The following ASCC3 variants were observed in gnomAD, a reference collection of about 807,000 sequenced individuals.
ASCC3 encodes activating signal cointegrator 1 complex subunit 3.
A neutral mutation model predicts 256.3 loss-of-function variants in ASCC3; 158 were observed. The ratio of observed to expected loss-of-function variants is 0.62; its 90% CI spans 0.54 to 0.70. The LOEUF (loss-of-function observed/expected upper bound fraction) is 0.70, where lower values mean the gene tolerates loss of function less well. Ranked by LOEUF, ASCC3 falls within the 30% of genes least tolerant of loss-of-function variation. The pLI is 0.00. For missense variants in ASCC3, 2,259 were observed against 2,626.0 expected (o/e 0.86, Z 3.05); for synonymous variants, 948 against 883.4 (o/e 1.07, Z -1.30).
At position 100,662,553 on chromosome 6, in the gene ASCC3, CGTAAGAGTAT is replaced by C. The variant is rs757286774; in HGVS notation, c.2287-27_2287-18del. 6.2e-7 allele frequency: 1 copy of C among 1,610,332 alleles called. No homozygotes were observed. Among genetic ancestry groups the C allele is most frequent in the Admixed American group, 1.7e-5 (1 of 59,832 alleles). On this transcript the variant is annotated intron_variant, in intron 14 of 41. Coordinates refer to ENST00000369162, the MANE Select transcript of ASCC3 (RefSeq NM_006828.4). ...CCTTTGTACCTAGATACCAAGAAAG[CGTAAGAGTAT>C]TATTTAGCATTTAAAAGCAATTGTT...
chr6:100,782,045 A>G (rs549922341), intron 8 of ASCC3, among the ~76,000 whole-genome samples: 1 of 152,240 alleles, frequency 6.6e-6, no homozygotes, highest in African/African-American at 2.4e-5. Flanking sequence ...GAGACTTTAT[A>G]AAAATTACTA....
intron 37 of ASCC3, among the ~76,000 whole-genome samples, chr6:100,520,134 C>T (rs1774229941): frequency 2.0e-5 from 3 of 152,074 alleles, no homozygotes. Context: ...TCTAATTATT[C>T]TTTATTCTCA....
chr6:100,563,584 G>A (rs1308555410), intron 36 of ASCC3, among the ~76,000 whole-genome samples: 1 of 152,048 alleles, frequency 6.6e-6, no homozygotes, highest in Non-Finnish European at 1.5e-5. Context: ...CCTCGCACGT[G>A]GATTAGCATG....
intron 10 of ASCC3, among the ~76,000 whole-genome samples, chr6:100,740,285 T>A (rs1432088217): frequency 2.0e-5 from 3 of 152,240 alleles, no homozygotes; most frequent in Non-Finnish European, 4.4e-5. Context: ...GATTGCACTG[T>A]GGTCTGAAAG....
intron 20 of ASCC3, among the ~76,000 whole-genome samples, chr6:100,649,661 C>A (rs1775558949): frequency 6.6e-6 from 1 of 151,412 alleles, no homozygotes; most frequent in Non-Finnish European, 1.5e-5. Context: ...CACAAACATT[C>A]TTTTTCTATA....
chr6:100,754,743 CT>C (rs1351565561), intron 10 of ASCC3, among the ~76,000 whole-genome samples: 7 of 152,108 alleles, frequency 4.6e-5, no homozygotes, highest in Non-Finnish European at 8.8e-5. Context: ...CAAATCTTAT[CT>C]TGAATTGTAG....
At position 100,718,031 on chromosome 6, in the gene ASCC3, G is replaced by A. The variant is rs916294414; in HGVS notation, c.2079+44C>T. 3 of 1,580,004 alleles carry A rather than the reference G, an allele frequency of 1.9e-6. No individual in the cohort carries two copies. In the African/African-American group the frequency reaches 4.1e-5, roughly 22 times the overall value. The stretch of plus-strand genomic sequence containing the variant: ...ACTCCAAACAAGTATTCAATAATAA[G>A]TCAACAAAAATATTTTTAGATAAGA... On this transcript the variant is annotated intron_variant, in intron 12 of 41. Coordinates refer to ENST00000369162, the MANE Select transcript of ASCC3 (RefSeq NM_006828.4).
At chr6:100,869,247 A>T (rs1773624485) in intron 1 of ASCC3, among the ~76,000 whole-genome samples, 1 of 152,192 alleles carries the variant, frequency 6.6e-6, no homozygotes, top group Admixed American at 6.5e-5. Flanking sequence ...ACTAAGAATT[A>T]TCTACACCAA....
intron 4 of ASCC3, among the ~76,000 whole-genome samples, chr6:100,816,231 T>C (rs1477402809): frequency 6.6e-6 from 1 of 152,106 alleles, no homozygotes; most frequent in Non-Finnish European, 1.5e-5. Flanking sequence ...TCAGTCAGAA[T>C]GGCTATTACT....
At chr6:100,512,034 A>G (rs1381966704) in intron 40 of ASCC3, among the ~76,000 whole-genome samples, 1 of 152,206 alleles carries the variant, frequency 6.6e-6, no homozygotes, top group East Asian at 1.9e-4. Flanking sequence ...CCTGCTGTGT[A>G]CTAATATTCT....
At chr6:100,761,524 G>A (rs1263896758) in intron 10 of ASCC3, among the ~76,000 whole-genome samples, 1 of 152,068 alleles carries the variant, frequency 6.6e-6, no homozygotes, top group Non-Finnish European at 1.5e-5. Context: ...GAATAGAACT[G>A]ACAACCTACG....
chr6:100,714,946 A>G (rs541678998), intron 13 of ASCC3, among the ~76,000 whole-genome samples: 2 of 152,076 alleles, frequency 1.3e-5, no homozygotes, highest in Non-Finnish European at 2.9e-5. Flanking sequence ...CCAGGAAAAC[A>G]CTTTACATGT....
intron 4 of ASCC3, among the ~76,000 whole-genome samples, chr6:100,820,822 T>C (rs1295627738): frequency 6.6e-6 from 1 of 151,804 alleles, no homozygotes; most frequent in African/African-American, 2.4e-5. Flanking sequence ...AATGAGCAAA[T>C]GATCTGAATT....
chr6:100,836,415 A>C (rs1322558465), intron 4 of ASCC3, among the ~76,000 whole-genome samples: 1 of 152,034 alleles, frequency 6.6e-6, no homozygotes, highest in Non-Finnish European at 1.5e-5. Flanking sequence ...GTTGAGGTAC[A>C]TTCCTTCTAA....
chr6:100,638,883 G>T, intron 24 of ASCC3, 62 bp from the exon 25 acceptor site: 2 of 1,283,642 alleles, frequency 1.6e-6, no homozygotes, highest in South Asian at 1.2e-5. Flanking sequence ...ACTGAATACT[G>T]TATTATAAAT....
At chr6:100,745,025 G>C (rs1351136286) in intron 10 of ASCC3, among the ~76,000 whole-genome samples, 3 of 152,150 alleles carry the variant, frequency 2.0e-5, no homozygotes, top group Non-Finnish European at 4.4e-5. Context: ...GCAACTGTGT[G>C]TCTCATAATG....
At chr6:100,516,548 G>A (rs1774038639) in intron 38 of ASCC3, among the ~76,000 whole-genome samples, 1 of 152,118 alleles carries the variant, frequency 6.6e-6, no homozygotes, top group Non-Finnish European at 1.5e-5. Flanking sequence ...TTTATGTGAA[G>A]TCAGTAAATA....
chr6:100,627,896 T>G lies in ASCC3; in HGVS notation c.4467A>C (p.Leu1489=). ...HTEKPVRIVG[L]STALANARDL... ...CTCTGGCATTAGCTAATGCAGTAGA[T>G]AGTCCAACTATTCTAACAGGCTTTT... The change falls in exon 28 of 42, where the codon CTA becomes CTC. Residue 1489 remains leucine (L), a synonymous_variant. Coordinates refer to ENST00000369162, the MANE Select transcript of ASCC3 (RefSeq NM_006828.4). 1 of 1,613,740 alleles carries G rather than the reference T, an allele frequency of 6.2e-7. No individual in the cohort carries two copies. Among genetic ancestry groups the G allele is most frequent in the Non-Finnish European group, 8.5e-7 (1 of 1,179,860 alleles).
At chr6:100,601,205 C>T (rs1403204067) in intron 34 of ASCC3, among the ~76,000 whole-genome samples, 1 of 152,012 alleles carries the variant, frequency 6.6e-6, no homozygotes, top group Non-Finnish European at 1.5e-5. Context: ...TATCGTTCTA[C>T]TAGAGGATTT....
Sources: gnomAD v4.1 joint callset for allele counts (sites outside exome capture counted in the v4.1 genomes callset) on GRCh38, gnomAD v4.1.1 for gene constraint, MANE v1.5 for transcripts, NCBI Gene and HGNC (gene_info 2026-07-23, HGNC 2026-07-21) for gene names.